LRRC37A2: variants seen among roughly 807,000 people sequenced by gnomAD.
The protein encoded by LRRC37A2 is leucine-rich repeat-containing protein 37A2.
A neutral mutation model predicts 68.8 loss-of-function variants in LRRC37A2; 9 were observed. The observed-to-expected ratio is 0.13, with a 90% CI of 0.08 to 0.23. LRRC37A2 has a LOEUF of 0.23. Among genes scored for constraint, LRRC37A2 ranks in the 10% least tolerant of loss-of-function variants. The pLI is 1.00. For synonymous variants in LRRC37A2, 63 were observed against 367.6 expected (o/e 0.17, Z 9.48); for missense variants, 168 against 950.4 (o/e 0.18, Z 10.82).
chr17:46,855,446 G>A, the LRRC37A2 span, among the ~76,000 whole-genome samples: 82 of 152,226 alleles, frequency 5.4e-4, no homozygotes, highest in Non-Finnish European at 8.4e-4. Context: ...CCTGGCTCTG[G>A]GACACTCTCT....
chr17:46,876,365 C>T, the LRRC37A2 span: 5 of 1,614,026 alleles, frequency 3.1e-6, no homozygotes, highest in Non-Finnish European at 3.4e-6. Flanking sequence ...GCTGAAACTG[C>T]GCTATGACTC....
At chr17:46,929,535 C>A in the LRRC37A2 span, 1 of 1,558,958 alleles carries the variant, frequency 6.4e-7, no homozygotes, top group Non-Finnish European at 8.9e-7. Flanking sequence ...TCCACGAGAT[C>A]CAGTCTTGCA....
the LRRC37A2 span, among the ~76,000 whole-genome samples, chr17:46,710,673 A>G: frequency 3.9e-5 from 6 of 152,308 alleles, no homozygotes; most frequent in East Asian, 1.2e-3. Flanking sequence ...AAAAATAAGC[A>G]CATTGGAACA....
the LRRC37A2 span, among the ~76,000 whole-genome samples, chr17:46,498,965 A>T: frequency 3.8e-4 from 57 of 150,778 alleles, 2 homozygotes; most frequent in East Asian, 0.011. Context: ...AGCTGATCTG[A>T]GGATAAAATG....
the LRRC37A2 span, chr17:47,033,466 C>T: frequency 2.9e-6 from 2 of 683,266 alleles, no homozygotes; most frequent in Admixed American, 4.3e-5. Context: ...ATCTGATCTG[C>T]TTATTTCTTT....
At chr17:46,732,272 C>T in the LRRC37A2 span, among the ~76,000 whole-genome samples, 6 of 152,084 alleles carry the variant, frequency 3.9e-5, no homozygotes, top group Non-Finnish European at 5.9e-5. Context: ...TGCATGTGTG[C>T]ACGTGCTCAA....
intron 6 of LRRC37A2, among the ~76,000 whole-genome samples, chr17:46,535,141 G>A (rs1350608849): frequency 6.7e-6 from 1 of 148,804 alleles, no homozygotes; most frequent in Non-Finnish European, 1.5e-5. Flanking sequence ...CAATTCTTGA[G>A]CCTCAAGCCT....
At chr17:46,717,817 G>A in the LRRC37A2 span, among the ~76,000 whole-genome samples, 21 of 152,172 alleles carry the variant, frequency 1.4e-4, no homozygotes, top group Middle Eastern at 3.2e-3. Flanking sequence ...CAAGGTGACG[G>A]AAATCACGCT....
the LRRC37A2 span, among the ~76,000 whole-genome samples, chr17:46,796,701 C>T: frequency 1.8e-4 from 28 of 152,314 alleles, no homozygotes; most frequent in Middle Eastern, 6.8e-3. Flanking sequence ...CCAGACAGCC[C>T]GGGTGTCCCC....
the LRRC37A2 span, among the ~76,000 whole-genome samples, chr17:46,492,139 A>G: frequency 6.6e-6 from 1 of 151,264 alleles, no homozygotes; most frequent in African/African-American, 2.5e-5. Context: ...AATTTTTGGT[A>G]TTTTCAGTAG....
intron 4 of LRRC37A2, among the ~76,000 whole-genome samples, chr17:46,521,053 A>G (rs1211670152): frequency 2.5e-5 from 2 of 80,332 alleles, no homozygotes; most frequent in African/African-American, 7.3e-5. Context: ...GTTAACTGGT[A>G]GAGCTAGAAA....
the LRRC37A2 span, among the ~76,000 whole-genome samples, chr17:46,824,819 GAGTGGC>G: frequency 2.0e-5 from 3 of 152,258 alleles, no homozygotes; most frequent in South Asian, 6.2e-4. Context: ...CCCCTATCTT[GAGTGGC>G]CCTGGCCCCT....
At chr17:46,801,095 C>T in the LRRC37A2 span, among the ~76,000 whole-genome samples, 1 of 152,190 alleles carries the variant, frequency 6.6e-6, no homozygotes. Context: ...CTCACAATAG[C>T]CCTCGTTATC....
chr17:47,033,385 T>C, the LRRC37A2 span: 228 of 698,052 alleles, frequency 3.3e-4, 4 homozygotes, highest in South Asian at 2.5e-3. Flanking sequence ...CACGAACCTA[T>C]GTAGGTGAAT....
At chr17:46,904,806 A>G in the LRRC37A2 span, among the ~76,000 whole-genome samples, 1 of 152,220 alleles carries the variant, frequency 6.6e-6, no homozygotes, top group African/African-American at 2.4e-5. Flanking sequence ...TGGAGATGAC[A>G]GGAAACTTTC....
the LRRC37A2 span, among the ~76,000 whole-genome samples, chr17:46,827,897 C>A: frequency 6.6e-6 from 1 of 151,586 alleles, no homozygotes; most frequent in Non-Finnish European, 1.5e-5. Flanking sequence ...GCAAGCTCCG[C>A]GCCCCAGGTT....
intron 11 of LRRC37A2, 59 bp from the exon 11 acceptor site, chr17:46,553,341 G>A: frequency 6.2e-7 from 1 of 1,608,598 alleles, no homozygotes; most frequent in South Asian, 1.1e-5. Context: ...AATCAATACA[G>A]ATTTGGAGAC....
At chr17:46,409,238 T>C in the LRRC37A2 span, 6 of 406,038 alleles carry the variant, frequency 1.5e-5, no homozygotes, top group African/African-American at 8.6e-5. Flanking sequence ...TTGATTCATA[T>C]TGAAGAAAAA....
At chr17:46,823,400 GA>G in the LRRC37A2 span, among the ~76,000 whole-genome samples, 1 of 150,764 alleles carries the variant, frequency 6.6e-6, no homozygotes, top group Non-Finnish European at 1.5e-5. Flanking sequence ...ATTTTTAGTA[GA>G]GACAGGGTTT....
Sources: gnomAD v4.1 joint callset for allele counts (sites outside exome capture counted in the v4.1 genomes callset) on GRCh38, gnomAD v4.1.1 for gene constraint, MANE v1.5 for transcripts, NCBI Gene and HGNC (gene_info 2026-07-23, HGNC 2026-07-21) for gene names.